Variants in ZFHX3 observed in about 807,000 individuals in gnomAD.
ZFHX3 encodes the protein zinc finger homeobox protein 3.
A neutral mutation model predicts 279.1 loss-of-function variants in ZFHX3; 42 were observed. The observed-to-expected ratio is 0.15, with a 90% CI of 0.12 to 0.19. The LOEUF is 0.19. ZFHX3 is among the 10% of genes least tolerant of loss of function. The probability of loss-of-function intolerance (pLI) is 1.00; values close to 1 mark genes in which losing one functional copy is unlikely to be tolerated. For missense variants in ZFHX3, 4,981 were observed against 4,754.0 expected, an observed-to-expected ratio of 1.05 and a Z score of -1.40; for synonymous variants, 2,293 against 1,957.8, an observed-to-expected ratio of 1.17 and a Z score of -4.52.
At chr16:73,071,441 G>T (rs1280985943) in intron 8 of ZFHX3, among the ~76,000 whole-genome samples, 13 of 151,694 alleles carry the variant, frequency 8.6e-5, no homozygotes, top group African/African-American at 2.4e-4. Flanking sequence ...CGTGCAACTC[G>T]CTCCTGGTCT....
intron 5 of ZFHX3, among the ~76,000 whole-genome samples, chr16:73,182,166 A>G (rs971410074): frequency 6.6e-6 from 1 of 152,312 alleles, no homozygotes; most frequent in South Asian, 2.1e-4. Context: ...CCTCTAAAAC[A>G]GTAGGGAGGG....
chr16:73,284,427 TA>T (rs1308637661), intron 4 of ZFHX3, among the ~76,000 whole-genome samples: 1 of 151,654 alleles, frequency 6.6e-6, no homozygotes, highest in African/African-American at 2.4e-5. Flanking sequence ...TATAAATCTA[TA>T]AAAATATTAA....
intron 2 of ZFHX3, among the ~76,000 whole-genome samples, chr16:73,492,034 T>G: frequency 6.6e-6 from 1 of 152,228 alleles, no homozygotes; most frequent in Non-Finnish European, 1.5e-5. Context: ...CTTGGTCCCT[T>G]CATTGATGGT....
intron 1 of ZFHX3, among the ~76,000 whole-genome samples, chr16:73,874,964 G>A (rs1488455038): frequency 6.6e-6 from 1 of 152,134 alleles, no homozygotes; most frequent in Non-Finnish European, 1.5e-5. Flanking sequence ...GGCAACAGAG[G>A]CAGTTGTATA....
intron 3 of ZFHX3, among the ~76,000 whole-genome samples, chr16:73,356,398 T>C (rs1451682145): frequency 6.6e-5 from 10 of 152,048 alleles, no homozygotes. Context: ...ACCCTGCTAA[T>C]TGGATTGACC....
At chr16:73,053,934 T>C (rs1965498065) in intron 1 of ZFHX3, among the ~76,000 whole-genome samples, 1 of 151,672 alleles carries the variant, frequency 6.6e-6, no homozygotes, top group African/African-American at 2.4e-5. Flanking sequence ...ACAAGAAAAC[T>C]CTATAAAAAG....
chr16:73,357,252 C>T (rs1232973221), intron 3 of ZFHX3, among the ~76,000 whole-genome samples: 1 of 151,780 alleles, frequency 6.6e-6, no homozygotes, highest in Admixed American at 6.6e-5. Flanking sequence ...ATTTGTTACT[C>T]GACTGAAAAT....
intron 1 of ZFHX3, among the ~76,000 whole-genome samples, chr16:73,886,347 A>G (rs1420764550): frequency 6.6e-6 from 1 of 152,220 alleles, no homozygotes; most frequent in South Asian, 2.1e-4. Context: ...ACAAATTAAC[A>G]GTCAGATAAC....
intron 1 of ZFHX3, among the ~76,000 whole-genome samples, chr16:73,821,371 G>A (rs1047679720): frequency 1.3e-5 from 2 of 152,174 alleles, no homozygotes; most frequent in Admixed American, 1.3e-4. Context: ...AATTTCTAAA[G>A]GGGCACTGGA....
chr16:72,849,415 T>G (rs753856254), intron 4 of ZFHX3, among the ~76,000 whole-genome samples: 1 of 151,876 alleles, frequency 6.6e-6, no homozygotes, highest in South Asian at 2.1e-4. Context: ...TGCCAGGAGG[T>G]TGAAATGTGC....
intron 5 of ZFHX3, among the ~76,000 whole-genome samples, chr16:73,234,619 A>C (rs1418478635): frequency 6.6e-6 from 1 of 152,248 alleles, no homozygotes; most frequent in Admixed American, 6.5e-5. Flanking sequence ...GAGGAGATCC[A>C]AAGAATGATT....
chr16:73,691,587 C>T (rs530683115), intron 1 of ZFHX3, among the ~76,000 whole-genome samples: 7 of 152,204 alleles, frequency 4.6e-5, no homozygotes, highest in Non-Finnish European at 8.8e-5. Context: ...ATATTGTACC[C>T]GATAATCGAT....
chr16:72,952,245 A>C (rs1208736012), intron 2 of ZFHX3, among the ~76,000 whole-genome samples: 2 of 152,182 alleles, frequency 1.3e-5, no homozygotes, highest in African/African-American at 2.4e-5. Context: ...TCTCAAAAAC[A>C]AAACAAAACA....
intron 1 of ZFHX3, among the ~76,000 whole-genome samples, chr16:73,885,477 C>G (rs1207793833): frequency 6.6e-6 from 1 of 152,126 alleles, no homozygotes; most frequent in African/African-American, 2.4e-5. Flanking sequence ...ATGAGCCTTT[C>G]TAGATCTCAC....
chr16:73,739,832 AT>A (rs2053639444), intron 1 of ZFHX3, among the ~76,000 whole-genome samples: 1 of 152,186 alleles, frequency 6.6e-6, no homozygotes, highest in Admixed American at 6.5e-5. Flanking sequence ...CCTTAAGGAC[AT>A]TTAGAAAATG....
chr16:73,277,001 T>G (rs902918098), intron 4 of ZFHX3, among the ~76,000 whole-genome samples: 36 of 152,256 alleles, frequency 2.4e-4, no homozygotes, highest in African/African-American at 7.5e-4. Context: ...AAGGAGATAT[T>G]CTACAGAAAC....
chr16:73,424,753 C>CAAAAAAAAAA (rs71156163), intron 3 of ZFHX3, among the ~76,000 whole-genome samples: 2 of 95,818 alleles, frequency 2.1e-5, no homozygotes, highest in African/African-American at 4.7e-5. Context: ...TACCCTGTGT[C>CAAAAAAAAAA]AAAAAAAAAA....
chr16:73,498,306 T>C (rs1033070900), intron 2 of ZFHX3, among the ~76,000 whole-genome samples: 5 of 152,152 alleles, frequency 3.3e-5, no homozygotes, highest in Admixed American at 2.6e-4. Context: ...TAGGGAAACA[T>C]TGGGGGACAT....
At chr16:73,652,513 C>A (rs1167941344) in intron 2 of ZFHX3, among the ~76,000 whole-genome samples, 2 of 152,074 alleles carry the variant, frequency 1.3e-5, no homozygotes, top group South Asian at 2.1e-4. Context: ...AGAGGAAGTT[C>A]TCAGATACAA....
Sources: allele counts gnomAD v4.1 joint callset (sites outside exome capture counted in the v4.1 genomes callset), GRCh38; gene constraint gnomAD v4.1.1; transcripts MANE v1.5; gene names NCBI Gene and HGNC (gene_info 2026-07-23, HGNC 2026-07-21).